NEK10: variants seen among roughly 807,000 people sequenced by gnomAD.
NEK10 encodes the protein NIMA related kinase 10.
Under a neutral mutation model 159.8 loss-of-function variants are expected in NEK10, and 122 were observed. The observed-to-expected ratio is 0.76, with a 90% CI of 0.66 to 0.89. The LOEUF is 0.89. NEK10 is among the 40% of genes least tolerant of loss of function. The probability of loss-of-function intolerance (pLI) is 0.00; values close to 1 mark genes in which losing one functional copy is unlikely to be tolerated. For missense variants in NEK10, 1,342 were observed against 1,323.1 expected (o/e 1.01, Z -0.22); for synonymous variants, 466 against 457.1 (o/e 1.02, Z -0.25).
intron 25 of NEK10, among the ~76,000 whole-genome samples, chr3:27,201,234 T>C (rs1214720667): frequency 6.6e-6 from 1 of 152,222 alleles, no homozygotes; most frequent in Non-Finnish European, 1.5e-5. Context: ...CATATTTGTC[T>C]TACCCACATA....
intron 23 of NEK10, among the ~76,000 whole-genome samples, chr3:27,208,963 CAGAGAGACA>C (rs1487356621): frequency 6.6e-6 from 1 of 152,108 alleles, no homozygotes; most frequent in African/African-American, 2.4e-5. Context: ...AAACCTCTTA[CAGAGAGACA>C]AGAGAATTAG....
intron 29 of NEK10, among the ~76,000 whole-genome samples, chr3:27,164,967 A>G (rs1946351190): frequency 6.6e-6 from 1 of 152,256 alleles, no homozygotes; most frequent in Non-Finnish European, 1.5e-5. Flanking sequence ...GTGACATAGA[A>G]CACCCTGACA....
At chr3:27,180,597 A>G (rs558980215) in intron 26 of NEK10, among the ~76,000 whole-genome samples, 1 of 152,348 alleles carries the variant, frequency 6.6e-6, no homozygotes, top group African/African-American at 2.4e-5. Flanking sequence ...AGTGGTTATC[A>G]ACAGGAATGA....
chr3:27,301,607 C>T, intron 13 of NEK10, 89 bp downstream of exon 13: 1 of 1,018,944 alleles, frequency 9.8e-7, no homozygotes, highest in Non-Finnish European at 1.4e-6. Flanking sequence ...CTAAATTTTG[C>T]CTACTTAACA....
chr3:27,311,124 G>T, intron 8 of NEK10, 108 bp from the exon 9 acceptor site: 1 of 663,124 alleles, frequency 1.5e-6, no homozygotes, highest in Non-Finnish European at 2.7e-6. Context: ...AGGTCAAAGG[G>T]AACACAGCAC....
chr3:27,284,885 T>C lies in NEK10; in HGVS notation c.1866A>G (p.Lys622=). The C allele has an allele frequency of 3.1e-6, 5 of 1,594,786 alleles. No homozygotes were observed. The highest frequency in any genetic ancestry group is 3.4e-6 in the Non-Finnish European group (4 of 1,162,518). Residue 622 remains lysine, a synonymous_variant, in exon 21 of 36, where the codon AAA becomes AAG. Transcript: ENST00000691995. ...GTCTTTCTTCAGTAAAATGGTGATG[T>C]TTTTCCTTCAAAGAACTGAAATGCT... ...LGEHFSSLKE[K]HHHFTEERLW...
intron 5 of NEK10, among the ~76,000 whole-genome samples, chr3:27,341,449 C>T (rs938932656): frequency 6.6e-6 from 1 of 152,054 alleles, no homozygotes; most frequent in African/African-American, 2.4e-5. Context: ...CAAAATACCA[C>T]ATGTACCCCA....
intron 30 of NEK10, among the ~76,000 whole-genome samples, chr3:27,149,578 C>T (rs1422585134): frequency 6.6e-6 from 1 of 152,088 alleles, no homozygotes; most frequent in African/African-American, 2.4e-5. Flanking sequence ...TGGGGCACCA[C>T]AAACTGCACT....
chr3:27,320,163 A>G (rs925169309), intron 6 of NEK10, among the ~76,000 whole-genome samples: 1 of 152,154 alleles, frequency 6.6e-6, no homozygotes, highest in African/African-American at 2.4e-5. Context: ...CAGCAGGACA[A>G]TATTCGTTTA....
chr3:27,227,439 A>T (rs1323306335), intron 23 of NEK10, among the ~76,000 whole-genome samples: 1 of 152,124 alleles, frequency 6.6e-6, no homozygotes, highest in Admixed American at 6.6e-5. Flanking sequence ...TTAGAGTCAA[A>T]ACTTCTTCCT....
chr3:27,309,171 A>C (rs1426908432), intron 9 of NEK10, 166 bp from the exon 10 acceptor site: 3 of 466,298 alleles, frequency 6.4e-6, no homozygotes, highest in Admixed American at 7.7e-5. Flanking sequence ...AGTAGTTTAT[A>C]ATGTATGTGC....
At chr3:27,187,495 T>C (rs1021071326) in intron 26 of NEK10, among the ~76,000 whole-genome samples, 1 of 152,086 alleles carries the variant, frequency 6.6e-6, no homozygotes, top group Non-Finnish European at 1.5e-5. Context: ...ACCATGGGAC[T>C]AGATGGAAAC....
At chr3:27,136,975 A>T (rs1943282480) in intron 31 of NEK10, among the ~76,000 whole-genome samples, 1 of 152,204 alleles carries the variant, frequency 6.6e-6, no homozygotes, top group Admixed American at 6.5e-5. Context: ...TTTCCAATTC[A>T]TTCTTACTTT....
intron 19 of NEK10, among the ~76,000 whole-genome samples, chr3:27,289,143 C>T (rs1457424083): frequency 6.6e-6 from 1 of 152,124 alleles, no homozygotes; most frequent in East Asian, 1.9e-4. Flanking sequence ...AAGGTAACAG[C>T]ACAAGAAGAG....
intron 5 of NEK10, among the ~76,000 whole-genome samples, chr3:27,331,262 A>AAAAAAAAAAACC: frequency 9.1e-6 from 1 of 110,082 alleles, no homozygotes; most frequent in Non-Finnish European, 2.0e-5. Context: ...AAAAAAAAAA[A>AAAAAAAAAAACC]ACACACAAAC....
chr3:27,276,188 C>T (rs1356363095), intron 22 of NEK10, among the ~76,000 whole-genome samples: 2 of 151,920 alleles, frequency 1.3e-5, no homozygotes, highest in African/African-American at 4.8e-5. Flanking sequence ...ATATTAAGTG[C>T]TATCAGAGAA....
At chr3:27,140,859 A>G (rs1349424991) in intron 31 of NEK10, among the ~76,000 whole-genome samples, 1 of 152,226 alleles carries the variant, frequency 6.6e-6, no homozygotes, top group Non-Finnish European at 1.5e-5. Flanking sequence ...AGACTTCAAA[A>G]TAACAGTGAC....
chr3:27,118,552 T>C (rs1455289364), intron 33 of NEK10, among the ~76,000 whole-genome samples: 1 of 152,224 alleles, frequency 6.6e-6, no homozygotes, highest in Non-Finnish European at 1.5e-5. Context: ...GTTTTTGCTT[T>C]TGCCCAGCCA....
intron 31 of NEK10, among the ~76,000 whole-genome samples, chr3:27,136,250 C>T (rs888970485): frequency 4.0e-5 from 6 of 151,150 alleles, no homozygotes; most frequent in Non-Finnish European, 8.8e-5. Context: ...GTAGCTGGGA[C>T]TACAGGCGCC....
Sources: gnomAD v4.1 joint callset for allele counts (sites outside exome capture counted in the v4.1 genomes callset) on GRCh38, gnomAD v4.1.1 for gene constraint, MANE v1.5 for transcripts, NCBI Gene and HGNC (gene_info 2026-07-23, HGNC 2026-07-21) for gene names.